CCBE1: variants seen among roughly 807,000 people sequenced by gnomAD.
The protein encoded by CCBE1 is collagen and calcium binding EGF domains 1.
In CCBE1, 37 loss-of-function variants were observed where a neutral mutation model predicts 50.0. That is an observed-to-expected ratio of 0.74 (90% CI 0.57 to 0.97). The LOEUF is 0.97. Among genes scored for constraint, CCBE1 ranks in the 50% least tolerant of loss-of-function variants. The pLI, the probability that CCBE1 is intolerant of heterozygous loss-of-function variation, is 0.00. For synonymous variants in CCBE1, 234 were observed against 203.7 expected (o/e 1.15, Z -1.27); for missense variants, 538 against 523.8 (o/e 1.03, Z -0.26).
chr18:59,604,370 G>A (rs576785965), intron 2 of CCBE1, among the ~76,000 whole-genome samples: 192 of 152,270 alleles, frequency 1.3e-3, no homozygotes, highest in Non-Finnish European at 2.0e-3. Flanking sequence ...TAACCATTAG[G>A]CTGCATCATC....
At chr18:59,495,583 G>T (rs1044612212) in intron 2 of CCBE1, among the ~76,000 whole-genome samples, 1 of 150,972 alleles carries the variant, frequency 6.6e-6, no homozygotes, top group African/African-American at 2.4e-5. Context: ...CATGTCCTTG[G>T]CCCACGCCAT....
chr18:59,588,580 T>G (rs1349703975), intron 2 of CCBE1, among the ~76,000 whole-genome samples: 1 of 152,172 alleles, frequency 6.6e-6, no homozygotes, highest in Admixed American at 6.5e-5. Flanking sequence ...TTAACTCTTG[T>G]AGGTAATTTT....
intron 5 of CCBE1, among the ~76,000 whole-genome samples, chr18:59,458,739 T>C (rs1237432657): frequency 6.6e-6 from 1 of 152,234 alleles, no homozygotes; most frequent in Non-Finnish European, 1.5e-5. Context: ...TGAGAACACC[T>C]GAGAGCTATC....
intron 2 of CCBE1, among the ~76,000 whole-genome samples, chr18:59,596,959 G>C (rs1050541186): frequency 6.6e-6 from 1 of 152,206 alleles, no homozygotes; most frequent in Non-Finnish European, 1.5e-5. Flanking sequence ...AAGTAATGAA[G>C]AAAGAAACAG....
At chr18:59,658,908 T>TAAAAAA (rs2054245277) in intron 2 of CCBE1, among the ~76,000 whole-genome samples, 1 of 113,386 alleles carries the variant, frequency 8.8e-6, no homozygotes, top group African/African-American at 3.2e-5. Context: ...AAAAAAAAAC[T>TAAAAAA]GTTACCAGAT....
chr18:59,452,345 G>T (rs1184426340), intron 6 of CCBE1, among the ~76,000 whole-genome samples: 1 of 152,094 alleles, frequency 6.6e-6, no homozygotes, highest in East Asian at 1.9e-4. Flanking sequence ...GTAATCCCAG[G>T]CCTTTGGGAG....
chr18:59,460,783 G>A (rs757957974), intron 5 of CCBE1, among the ~76,000 whole-genome samples: 4 of 151,758 alleles, frequency 2.6e-5, no homozygotes, highest in African/African-American at 9.7e-5. Flanking sequence ...AATACAAAAA[G>A]GTTTAGCTGG....
At chr18:59,570,195 ACT>A (rs1247063349) in intron 2 of CCBE1, among the ~76,000 whole-genome samples, 1 of 152,140 alleles carries the variant, frequency 6.6e-6, no homozygotes, top group African/African-American at 2.4e-5. Flanking sequence ...CTGCTAGATC[ACT>A]CTGATATGAA....
intron 9 of CCBE1, 84 bp from the exon 10 acceptor site, chr18:59,438,230 A>C (rs1487054588): frequency 8.6e-7 from 1 of 1,156,712 alleles, no homozygotes; most frequent in East Asian, 2.4e-5. Flanking sequence ...CACCATAACC[A>C]CTTCCCTGCA....
intron 5 of CCBE1, among the ~76,000 whole-genome samples, chr18:59,456,080 T>G (rs533890281): frequency 1.3e-5 from 2 of 152,316 alleles, no homozygotes; most frequent in South Asian, 2.1e-4. Flanking sequence ...AAATGTTCCA[T>G]GAAGCCTGCT....
At chr18:59,521,425 TTTTG>T (rs1468714219) in intron 2 of CCBE1, among the ~76,000 whole-genome samples, 78 of 152,350 alleles carry the variant, frequency 5.1e-4, no homozygotes, top group African/African-American at 1.4e-3. Flanking sequence ...TTTGTTTGTT[TTTTG>T]TTTTTTTTTC....
rs531737447 is a variant in CCBE1 at position 59,499,901 on chromosome 18, C to A, written c.213-19663G>T. ...AAGAAGGGTCTTCCAAAGGAGCCAG[C>A]TGTGGTAGAAGCTTCCCTTTTAGGC... On this transcript the variant is annotated intron_variant, in intron 2 of 10. Transcript: ENST00000439986. 7.9e-5 allele frequency among the ~76,000 whole-genome samples: 12 copies of A among 152,300 alleles called. No individual in the cohort carries two copies. In the East Asian group the frequency reaches 2.3e-3, roughly 29 times the overall value.
intron 2 of CCBE1, among the ~76,000 whole-genome samples, chr18:59,641,494 G>A (rs113415828): frequency 1.3e-5 from 2 of 152,104 alleles, no homozygotes; most frequent in African/African-American, 2.4e-5. Flanking sequence ...TACCTATTGG[G>A]TACACTATCC....
At chr18:59,599,248 A>G (rs757178104) in intron 2 of CCBE1, among the ~76,000 whole-genome samples, 3 of 152,238 alleles carry the variant, frequency 2.0e-5, no homozygotes, top group South Asian at 2.1e-4. Flanking sequence ...AAGTCACATT[A>G]TAAATATCTA....
At chr18:59,459,587 T>C (rs1911362270) in intron 5 of CCBE1, among the ~76,000 whole-genome samples, 1 of 152,174 alleles carries the variant, frequency 6.6e-6, no homozygotes, top group East Asian at 1.9e-4. Flanking sequence ...TTCCTGAAGT[T>C]GACCAGGACG....
chr18:59,586,017 A>T (rs530923486), intron 2 of CCBE1, among the ~76,000 whole-genome samples: 1 of 152,222 alleles, frequency 6.6e-6, no homozygotes, highest in African/African-American at 2.4e-5. Flanking sequence ...TCTTTTTAGT[A>T]ATAATATTGG....
intron 2 of CCBE1, among the ~76,000 whole-genome samples, chr18:59,501,144 AATGCAGAC>A (rs1035012138): frequency 4.3e-4 from 65 of 152,354 alleles, no homozygotes; most frequent in African/African-American, 1.5e-3. Flanking sequence ...AATGAGAAGA[AATGCAGAC>A]ATGGATGTGG....
chr18:59,606,565 G>A (rs535729348), intron 2 of CCBE1, among the ~76,000 whole-genome samples: 1 of 152,046 alleles, frequency 6.6e-6, no homozygotes, highest in Admixed American at 6.6e-5. Flanking sequence ...CATCTTGCAC[G>A]GATCATTTAC....
chr18:59,443,926 C>T (rs1176194721), intron 7 of CCBE1, among the ~76,000 whole-genome samples: 1 of 152,216 alleles, frequency 6.6e-6, no homozygotes. Flanking sequence ...TGATAACAAC[C>T]AGTCTACTTT....
Sources: allele counts gnomAD v4.1 joint callset (sites outside exome capture counted in the v4.1 genomes callset), GRCh38; gene constraint gnomAD v4.1.1; transcripts MANE v1.5; gene names NCBI Gene and HGNC (gene_info 2026-07-23, HGNC 2026-07-21).